GRM8: variants seen among roughly 807,000 people sequenced by gnomAD.
GRM8 encodes glutamate metabotropic receptor 8, also known as metabotropic glutamate receptor 8.
Under a neutral mutation model 87.2 loss-of-function variants are expected in GRM8, and 47 were observed. That is an observed-to-expected ratio of 0.54 (90% CI 0.43 to 0.69). The LOEUF is 0.69. GRM8 is among the 30% of genes least tolerant of loss of function. The probability of loss-of-function intolerance (pLI) is 0.00; values close to 1 mark genes in which losing one functional copy is unlikely to be tolerated. For synonymous variants in GRM8, 396 were observed against 404.5 expected, an observed-to-expected ratio of 0.98 and a Z score of 0.25; for missense variants, 1,019 against 1,139.2, an observed-to-expected ratio of 0.89 and a Z score of 1.52.
intron 7 of GRM8, among the ~76,000 whole-genome samples, chr7:126,746,348 A>G (rs540114991): frequency 4.6e-5 from 7 of 151,758 alleles, no homozygotes; most frequent in African/African-American, 1.7e-4. Flanking sequence ...ATAGTGGAAG[A>G]CTCTAAATTT....
intron 3 of GRM8, among the ~76,000 whole-genome samples, chr7:127,036,161 T>C (rs1256865040): frequency 6.6e-6 from 1 of 152,162 alleles, no homozygotes; most frequent in Non-Finnish European, 1.5e-5. Flanking sequence ...ACACTTTATT[T>C]CACTCAATTG....
At chr7:126,842,701 A>T (rs761141896) in intron 6 of GRM8, among the ~76,000 whole-genome samples, 1 of 152,044 alleles carries the variant, frequency 6.6e-6, no homozygotes, top group Non-Finnish European at 1.5e-5. Context: ...AATCAGAAAG[A>T]CTCCATTGGT....
intron 2 of GRM8, among the ~76,000 whole-genome samples, chr7:127,113,163 G>A (rs2133137954): frequency 6.6e-6 from 1 of 152,244 alleles, no homozygotes; most frequent in South Asian, 2.1e-4. Flanking sequence ...CTGCCTCAAG[G>A]TTTCCCACTG....
At chr7:126,732,263 T>C (rs970614219) in intron 7 of GRM8, among the ~76,000 whole-genome samples, 2 of 152,124 alleles carry the variant, frequency 1.3e-5, no homozygotes, top group Non-Finnish European at 2.9e-5. Flanking sequence ...AGACCAGTTG[T>C]AAAAGAACAT....
intron 7 of GRM8, among the ~76,000 whole-genome samples, chr7:126,612,605 C>A (rs2151109658): frequency 6.6e-6 from 1 of 152,304 alleles, no homozygotes; most frequent in Non-Finnish European, 1.5e-5. Flanking sequence ...ACATTTATTG[C>A]ACAGATACTT....
chr7:127,020,743 T>C (rs533626200), intron 3 of GRM8, among the ~76,000 whole-genome samples: 2 of 152,222 alleles, frequency 1.3e-5, no homozygotes, highest in South Asian at 4.1e-4. Flanking sequence ...CATCATCACC[T>C]AGCCTTGTAA....
At chr7:127,038,307 G>T (rs553712963) in intron 3 of GRM8, among the ~76,000 whole-genome samples, 7 of 152,216 alleles carry the variant, frequency 4.6e-5, no homozygotes, top group African/African-American at 1.7e-4. Context: ...AAGACAATAC[G>T]TAAGAAAGTT....
intron 9 of GRM8, among the ~76,000 whole-genome samples, chr7:126,465,978 A>G (rs1259179943): frequency 6.6e-6 from 1 of 151,912 alleles, no homozygotes; most frequent in Non-Finnish European, 1.5e-5. Context: ...GATTAGATAA[A>G]TTCTCTTATA....
Position 126,769,969 on chromosome 7 carries a change from T to G in GRM8, c.1253A>C (p.Asn418Thr). The change falls in exon 7 of 11, where the codon AAT (asparagine) becomes ACT (threonine). Residue 418 changes from asparagine to threonine, a missense_variant. Physicochemically the swap from Asn to Thr is moderately conservative, Grantham distance 65. Transcript: ENST00000339582. Reference sequence around the variant, plus strand: ...TCCAGGGCAGAGATCTTTGTGCATATTGTGCAGGGCGTAAGCCATGGAATA... The same window carrying G: ...TCCAGGGCAGAGATCTTTGTGCATAGTGTGCAGGGCGTAAGCCATGGAATA... ...AVYSMAYALH[N>T]MHKDLCPGYI... The G allele has an allele frequency of 1.2e-6, 2 of 1,612,352 alleles. No homozygotes were observed. Among genetic ancestry groups the G allele is most frequent in the Non-Finnish European group, 1.7e-6 (2 of 1,178,622 alleles).
intron 3 of GRM8, among the ~76,000 whole-genome samples, chr7:126,974,615 G>A (rs1810766888): frequency 6.6e-6 from 1 of 152,126 alleles, no homozygotes; most frequent in Admixed American, 6.5e-5. Context: ...CCAGGTTATT[G>A]TGATGTGCAA....
chr7:126,597,470 T>C (rs745757001), intron 8 of GRM8, among the ~76,000 whole-genome samples: 17 of 152,230 alleles, frequency 1.1e-4, no homozygotes, highest in Non-Finnish European at 2.2e-4. Context: ...CACAATAAAA[T>C]GACTTTTTAC....
chr7:126,551,530 T>C (rs184709744), intron 8 of GRM8, among the ~76,000 whole-genome samples: 2 of 152,300 alleles, frequency 1.3e-5, no homozygotes, highest in East Asian at 3.9e-4. Context: ...ATTTCCAATG[T>C]CCTGCTGACC....
chr7:126,638,750 G>A (rs558657922), intron 7 of GRM8, among the ~76,000 whole-genome samples: 59 of 152,268 alleles, frequency 3.9e-4, no homozygotes, highest in African/African-American at 1.4e-3. Context: ...ATAGAAGGTA[G>A]GGCACTACAG....
chr7:126,920,793 C>T (rs148985922), intron 3 of GRM8, among the ~76,000 whole-genome samples: 2,087 of 152,138 alleles, frequency 0.014, 43 homozygotes, highest in African/African-American at 0.047. Context: ...CCCTGTTTAG[C>T]ATCCAGACTG....
intron 9 of GRM8, among the ~76,000 whole-genome samples, chr7:126,506,238 T>G (rs1442534752): frequency 4.6e-5 from 7 of 152,132 alleles, no homozygotes; most frequent in African/African-American, 1.7e-4. Context: ...ATTGTGTGTG[T>G]GTGTGTAGAC....
intron 7 of GRM8, among the ~76,000 whole-genome samples, chr7:126,760,280 A>C (rs1817460898): frequency 1.3e-5 from 2 of 152,152 alleles, no homozygotes. Context: ...GTTGAGTAGG[A>C]CTCTAGGAAG....
chr7:126,699,241 T>G (rs1401134651), intron 7 of GRM8, among the ~76,000 whole-genome samples: 1 of 152,190 alleles, frequency 6.6e-6, no homozygotes, highest in African/African-American at 2.4e-5. Flanking sequence ...AGGTTAGATT[T>G]AAAGATTCAA....
chr7:127,003,505 G>T (rs961354648), intron 3 of GRM8, among the ~76,000 whole-genome samples: 3 of 151,686 alleles, frequency 2.0e-5, no homozygotes, highest in Non-Finnish European at 4.4e-5. Flanking sequence ...CACAACAGGA[G>T]AAGAAAGGGA....
intron 9 of GRM8, among the ~76,000 whole-genome samples, chr7:126,451,917 T>G (rs905741888): frequency 2.6e-5 from 4 of 151,742 alleles, no homozygotes; most frequent in Non-Finnish European, 5.9e-5. Context: ...TCTAACACAT[T>G]ATATCCTAAA....
Sources: allele counts gnomAD v4.1 joint callset (sites outside exome capture counted in the v4.1 genomes callset), GRCh38; gene constraint gnomAD v4.1.1; transcripts MANE v1.5; gene names NCBI Gene and HGNC (gene_info 2026-07-23, HGNC 2026-07-21).